Variants in MOXD1 observed in about 807,000 individuals in gnomAD.
MOXD1 encodes monooxygenase DBH like 1.
Under a neutral mutation model 66.6 loss-of-function variants are expected in MOXD1, and 62 were observed. The ratio of observed to expected loss-of-function variants is 0.93; its 90% CI spans 0.76 to 1.15. The LOEUF is 1.15. Ranked by LOEUF, MOXD1 falls within the 50% of genes most tolerant of loss-of-function variation. The pLI, the probability that MOXD1 is intolerant of heterozygous loss-of-function variation, is 0.00. For synonymous variants in MOXD1, 303 were observed against 281.9 expected, an observed-to-expected ratio of 1.07 and a Z score of -0.75; for missense variants, 847 against 754.6, an observed-to-expected ratio of 1.12 and a Z score of -1.44.
chr6:132,307,165 T>C (rs1359716822), intron 10 of MOXD1, among the ~76,000 whole-genome samples: 1 of 151,324 alleles, frequency 6.6e-6, no homozygotes, highest in Non-Finnish European at 1.5e-5. Flanking sequence ...AATAAAGGGA[T>C]AGAAGAAAAT....
At chr6:132,368,191 T>C (rs1024535557) in intron 4 of MOXD1, among the ~76,000 whole-genome samples, 1 of 152,098 alleles carries the variant, frequency 6.6e-6, no homozygotes, top group Non-Finnish European at 1.5e-5. Flanking sequence ...CTAATAGTCA[T>C]GGCAATGCCA....
chr6:132,349,447 A>ATATATG (rs1775751818), intron 4 of MOXD1, among the ~76,000 whole-genome samples: 1 of 55,974 alleles, frequency 1.8e-5, no homozygotes, highest in Non-Finnish European at 2.8e-5. Flanking sequence ...ATATATATAT[A>ATATATG]TATACATATA....
chr6:132,397,622 G>A (rs1353802770), intron 1 of MOXD1, among the ~76,000 whole-genome samples: 1 of 145,768 alleles, frequency 6.9e-6, no homozygotes, highest in Non-Finnish European at 1.5e-5. Context: ...CAGAGAGAGA[G>A]AGAGAGAGAG....
intron 4 of MOXD1, among the ~76,000 whole-genome samples, chr6:132,338,220 G>A (rs1302202645): frequency 1.3e-5 from 2 of 152,146 alleles, no homozygotes; most frequent in African/African-American, 4.8e-5. Context: ...TCAAGAATGT[G>A]CTCCTGACCA....
intron 4 of MOXD1, among the ~76,000 whole-genome samples, chr6:132,352,837 G>A (rs1775829694): frequency 6.6e-6 from 1 of 152,048 alleles, no homozygotes; most frequent in African/African-American, 2.4e-5. Context: ...TGTATGTTTA[G>A]GATTGTGATA....
intron 1 of MOXD1, among the ~76,000 whole-genome samples, chr6:132,393,896 C>T (rs759954981): frequency 4.6e-5 from 7 of 152,174 alleles, no homozygotes; most frequent in Admixed American, 3.3e-4. Flanking sequence ...GACTGAGGAC[C>T]AGCTTGCCCA....
At chr6:132,370,452 G>T (rs1776242446) in intron 4 of MOXD1, among the ~76,000 whole-genome samples, 1 of 151,734 alleles carries the variant, frequency 6.6e-6, no homozygotes, top group African/African-American at 2.4e-5. Context: ...TTTATTTTTT[G>T]AATAATATCC....
Position 132,296,262 on chromosome 6 carries a change from T to C in MOXD1, c.*891A>G, listed in dbSNP as rs1160736077. On this transcript the variant is annotated 3_prime_UTR_variant, in exon 12 of 12. Transcript: ENST00000367963. ...TGACTTAAACTGAGCCAGTATGTGGTACATGTGTCACCCAAAGTCAGCAAG... is the reference window on the plus strand; with the variant it reads ...TGACTTAAACTGAGCCAGTATGTGGCACATGTGTCACCCAAAGTCAGCAAG... The C allele has an allele frequency of 6.6e-6, 1 of 152,128 alleles. No homozygotes were observed. The highest frequency in any genetic ancestry group is 1.5e-5 in the Non-Finnish European group (1 of 68,014). 9.4% of individuals were successfully genotyped at this position (152,128 alleles called of 1,614,324 possible).
At chr6:132,335,006 A>C (rs1012264454) in intron 4 of MOXD1, among the ~76,000 whole-genome samples, 1 of 152,196 alleles carries the variant, frequency 6.6e-6, no homozygotes, top group African/African-American at 2.4e-5. Context: ...AGAATTCCCT[A>C]GAACTTAGAA....
chr6:132,335,690 G>A (rs1775422189), intron 4 of MOXD1, among the ~76,000 whole-genome samples: 1 of 152,174 alleles, frequency 6.6e-6, no homozygotes, highest in Non-Finnish European at 1.5e-5. Flanking sequence ...TCTGCTGTTT[G>A]AAGCTATCCA....
intron 1 of MOXD1, among the ~76,000 whole-genome samples, chr6:132,385,304 C>G (rs1488615184): frequency 6.6e-6 from 1 of 152,062 alleles, no homozygotes; most frequent in Non-Finnish European, 1.5e-5. Context: ...GGGAGGGGCT[C>G]AGGACCTCAG....
intron 4 of MOXD1, among the ~76,000 whole-genome samples, chr6:132,359,931 G>T (rs916316939): frequency 1.3e-5 from 2 of 152,132 alleles, no homozygotes; most frequent in African/African-American, 4.8e-5. Context: ...TATGGTTAAG[G>T]TATTCTCTGA....
At chr6:132,388,661 C>T (rs997631773) in intron 1 of MOXD1, among the ~76,000 whole-genome samples, 1 of 151,340 alleles carries the variant, frequency 6.6e-6, no homozygotes, top group African/African-American at 2.4e-5. Context: ...TATCTATTTA[C>T]ATAACTGGAA....
At chr6:132,353,148 A>G (rs1211210211) in intron 4 of MOXD1, among the ~76,000 whole-genome samples, 2 of 152,176 alleles carry the variant, frequency 1.3e-5, no homozygotes, top group African/African-American at 4.8e-5. Flanking sequence ...TCAATGTAGT[A>G]TTGAGATGTA....
rs150265858 is a variant in MOXD1, at chr6:132,309,489, T to C, written c.1508+6146A>G. ...CAACGCTATTTCCATCAAACTACCATTGACATTCTTTACAGAATTAGCAAC... is the reference window on the plus strand; with the variant it reads ...CAACGCTATTTCCATCAAACTACCACTGACATTCTTTACAGAATTAGCAAC... On this transcript the variant is annotated intron_variant, in intron 10 of 11. Transcript: ENST00000367963. Among the ~76,000 whole-genome samples, 432 of 152,268 alleles carry C rather than the reference T, an allele frequency of 2.8e-3. 2 individuals carry two copies. Among genetic ancestry groups the C allele is most frequent in the African/African-American group, 9.8e-3 (406 of 41,560 alleles).
intron 1 of MOXD1, among the ~76,000 whole-genome samples, chr6:132,379,670 C>T (rs1776470935): frequency 1.3e-5 from 2 of 152,166 alleles, no homozygotes; most frequent in African/African-American, 4.8e-5. Context: ...TATTCAGTAT[C>T]ACATATTCAA....
intron 10 of MOXD1, among the ~76,000 whole-genome samples, chr6:132,307,231 A>G (rs1357166431): frequency 1.3e-5 from 2 of 152,236 alleles, no homozygotes; most frequent in Non-Finnish European, 2.9e-5. Context: ...AGTCTCTGAC[A>G]AAATAGACTT....
rs1776338337 is a variant in MOXD1, at chr6:132,374,625, C to A, written c.411+6G>T. 6 of 1,613,296 alleles carry A rather than the reference C, an allele frequency of 3.7e-6. No homozygotes were observed. The highest frequency in any genetic ancestry group is 5.1e-6 in the Non-Finnish European group (6 of 1,179,848). On this transcript the variant is annotated splice_donor_region_variant and intron_variant, in intron 2 of 11. Coordinates refer to ENST00000367963, the MANE Select transcript of MOXD1 (RefSeq NM_015529.4). ...TCATGCATGCATTCACTCATAGATG[C>A]CTTACCGTTATACTCTTGTCATTTA...
At chr6:132,303,469 T>C (rs1046346886) in intron 10 of MOXD1, among the ~76,000 whole-genome samples, 1 of 152,068 alleles carries the variant, frequency 6.6e-6, no homozygotes, top group Non-Finnish European at 1.5e-5. Flanking sequence ...ATATAACTTA[T>C]GCACATGCTC....
Sources: allele counts gnomAD v4.1 joint callset (sites outside exome capture counted in the v4.1 genomes callset), GRCh38; gene constraint gnomAD v4.1.1; transcripts MANE v1.5; gene names NCBI Gene and HGNC (gene_info 2026-07-23, HGNC 2026-07-21).